Variants in SH3RF1 observed in about 807,000 individuals in gnomAD.
The protein encoded by SH3RF1 is SH3 domain containing ring finger 1.
SH3RF1 carries 32 observed loss-of-function variants against 74.0 expected under a neutral mutation model. The ratio of observed to expected loss-of-function variants is 0.43; its 90% confidence interval spans 0.33 to 0.58. SH3RF1 has a LOEUF of 0.58. SH3RF1 is among the 20% of genes least tolerant of loss of function. SH3RF1 has a pLI of 0.05. For missense variants in SH3RF1, 954 were observed against 1,130.9 expected (o/e 0.84, Z 2.24); for synonymous variants, 396 against 439.6 (o/e 0.90, Z 1.24).
chr4:169,256,985 T>C (rs1731202615), intron 2 of SH3RF1, among the ~76,000 whole-genome samples: 1 of 152,214 alleles, frequency 6.6e-6, no homozygotes, highest in Non-Finnish European at 1.5e-5. Flanking sequence ...GATACTAATG[T>C]TTACTGAGCA....
chr4:169,222,943 T>C (rs1417855210), intron 2 of SH3RF1, among the ~76,000 whole-genome samples: 1 of 152,216 alleles, frequency 6.6e-6, no homozygotes, highest in Non-Finnish European at 1.5e-5. Context: ...ACAGCACCCC[T>C]GTCCTCGCAT....
chr4:169,174,699 T>C (rs1189016103), intron 2 of SH3RF1, among the ~76,000 whole-genome samples: 3 of 152,174 alleles, frequency 2.0e-5, no homozygotes, highest in Non-Finnish European at 4.4e-5. Flanking sequence ...TGACTGCATA[T>C]TAGGATCAAC....
At chr4:169,267,486 A>G (rs1731372460) in intron 2 of SH3RF1, among the ~76,000 whole-genome samples, 1 of 152,228 alleles carries the variant, frequency 6.6e-6, no homozygotes, top group Non-Finnish European at 1.5e-5. Context: ...ATCTAAGAAA[A>G]GCACTGTAAG....
At chr4:169,106,759 G>T in intron 11 of SH3RF1, 88 bp downstream of exon 11, 2 of 1,106,090 alleles carry the variant, frequency 1.8e-6, no homozygotes, top group Non-Finnish European at 2.6e-6. Context: ...GGAAGATGTG[G>T]CAAAACATCT....
At chr4:169,184,601 C>G (rs1296189968) in intron 2 of SH3RF1, among the ~76,000 whole-genome samples, 1 of 152,102 alleles carries the variant, frequency 6.6e-6, no homozygotes, top group Non-Finnish European at 1.5e-5. Context: ...TCCACGGAGA[C>G]CACTAATTAA....
intron 2 of SH3RF1, among the ~76,000 whole-genome samples, chr4:169,183,314 T>A (rs1291298130): frequency 6.6e-6 from 1 of 152,138 alleles, no homozygotes; most frequent in African/African-American, 2.4e-5. Context: ...AAAGTCTCGC[T>A]CTTGTCCCCA....
chr4:169,263,069 C>A (rs1242495269), intron 2 of SH3RF1, among the ~76,000 whole-genome samples: 2 of 152,206 alleles, frequency 1.3e-5, no homozygotes, highest in African/African-American at 2.4e-5. Context: ...CTCATCCAAA[C>A]CACCACATTA....
intron 11 of SH3RF1, among the ~76,000 whole-genome samples, chr4:169,101,641 T>C (rs1231751688): frequency 7.9e-6 from 1 of 127,080 alleles, no homozygotes; most frequent in South Asian, 2.4e-4. Context: ...ATAAGATATA[T>C]GAATGAATAA....
rs1163038330 is a variant in SH3RF1, at chr4:169,094,513, A to G, written c.*2006T>C. 1 of 152,122 alleles carries G rather than the reference A, an allele frequency of 6.6e-6. No individual in the cohort carries two copies. The highest frequency in any genetic ancestry group is 2.4e-5 in the African/African-American group (1 of 41,442). The allele number at this position is 152,122 out of a possible 1,614,324, so 9.4% of individuals were successfully genotyped here. ...CTATGAACAGAGGTACTTCAATCAC[A>G]TAGCTTAAAATATGGAGAAAAGACA... On this transcript the variant is annotated 3_prime_UTR_variant, in exon 12 of 12. Transcript: ENST00000284637.
At chr4:169,156,226 G>C (rs560950353) in intron 3 of SH3RF1, among the ~76,000 whole-genome samples, 178 bp downstream of exon 3, 1 of 152,276 alleles carries the variant, frequency 6.6e-6, no homozygotes, top group East Asian at 1.9e-4. Flanking sequence ...AGAAGTCTGT[G>C]CATAAAATTA....
At position 169,244,639 on chromosome 4, in the gene SH3RF1, T is replaced by C. The variant is rs146248693; in HGVS notation, c.393+24181A>G. ...GATCCAACATCCTGACTAACCAAAA[T>C]GTAGGTAGAAAGAGTTAACCTAAAC... On this transcript the variant is annotated intron_variant, in intron 2 of 11. Coordinates refer to ENST00000284637, the MANE Select transcript of SH3RF1 (RefSeq NM_020870.4). Among the ~76,000 whole-genome samples, 36 of 152,296 alleles carry C rather than the reference T, an allele frequency of 2.4e-4. No homozygotes were observed. In the East Asian group the frequency reaches 6.6e-3, roughly 28 times the overall value.
intron 2 of SH3RF1, among the ~76,000 whole-genome samples, chr4:169,266,674 A>G (rs980277616): frequency 2.0e-5 from 3 of 152,006 alleles, no homozygotes. Context: ...TATGTTGTCT[A>G]GGCTAGACTT....
chr4:169,243,155 G>A (rs1730939731), intron 2 of SH3RF1, among the ~76,000 whole-genome samples: 1 of 152,152 alleles, frequency 6.6e-6, no homozygotes, highest in African/African-American at 2.4e-5. Flanking sequence ...CCTTTGAAAT[G>A]TTATTCTCAT....
At position 169,218,268 on chromosome 4, in the gene SH3RF1, G is replaced by T. The variant is rs530229363; in HGVS notation, c.393+50552C>A. Among the ~76,000 whole-genome samples the T allele has an allele frequency of 4.0e-3, 544 of 135,500 alleles. 4 individuals are homozygous for T. Among genetic ancestry groups the T allele is most frequent in the African/African-American group, 0.014 (505 of 36,588 alleles). 88.9% of individuals were successfully genotyped at this position (135,500 alleles called of 152,430 possible). A position where few individuals can be genotyped will look rare whatever the true frequency, so the allele number is the denominator to read the frequency against. On this transcript the variant is annotated intron_variant, in intron 2 of 11. Coordinates refer to ENST00000284637, the MANE Select transcript of SH3RF1 (RefSeq NM_020870.4). ...ATAGAATATGTTTATATATAATATA[G>T]AATATAAATATATAATATATAATAT...
chr4:169,201,090 C>T (rs1734899856), intron 2 of SH3RF1, among the ~76,000 whole-genome samples: 1 of 151,800 alleles, frequency 6.6e-6, no homozygotes, highest in South Asian at 2.1e-4. Flanking sequence ...TGATTACTGG[C>T]AATTTGAAAA....
intron 4 of SH3RF1, among the ~76,000 whole-genome samples, chr4:169,139,146 A>T (rs1165950674): frequency 2.0e-5 from 3 of 152,122 alleles, no homozygotes; most frequent in African/African-American, 7.2e-5. Context: ...TCTCATTATG[A>T]TATCTAGCTG....
intron 2 of SH3RF1, among the ~76,000 whole-genome samples, chr4:169,248,672 A>C (rs994071210): frequency 6.6e-6 from 1 of 152,194 alleles, no homozygotes; most frequent in Non-Finnish European, 1.5e-5. Flanking sequence ...AATTCAAAAA[A>C]AGTAATAGGA....
chr4:169,101,394 T>C (rs552248192), intron 11 of SH3RF1, among the ~76,000 whole-genome samples: 3 of 152,124 alleles, frequency 2.0e-5, no homozygotes, highest in Admixed American at 2.0e-4. Flanking sequence ...ATTCCACTTA[T>C]GAGATGCCCA....
intron 2 of SH3RF1, among the ~76,000 whole-genome samples, chr4:169,222,942 CT>C (rs1294846030): frequency 6.6e-6 from 1 of 152,194 alleles, no homozygotes; most frequent in Middle Eastern, 3.2e-3. Flanking sequence ...GACAGCACCC[CT>C]GTCCTCGCAT....
Sources: gnomAD v4.1 joint callset for allele counts (sites outside exome capture counted in the v4.1 genomes callset) on GRCh38, gnomAD v4.1.1 for gene constraint, MANE v1.5 for transcripts, NCBI Gene and HGNC (gene_info 2026-07-23, HGNC 2026-07-21) for gene names.